The following KLHL32 variants were observed in gnomAD, a reference collection of about 807,000 sequenced individuals.
KLHL32 encodes the protein kelch like family member 32.
A neutral mutation model predicts 64.8 loss-of-function variants in KLHL32; 35 were observed. That is an observed-to-expected ratio of 0.54 (90% CI 0.41 to 0.72). KLHL32 has a LOEUF of 0.72. Among genes scored for constraint, KLHL32 ranks in the 30% least tolerant of loss-of-function variants. The pLI, the probability that KLHL32 is intolerant of heterozygous loss-of-function variation, is 0.00. For missense variants in KLHL32, 589 were observed against 768.5 expected (o/e 0.77, Z 2.76); for synonymous variants, 259 against 281.0 (o/e 0.92, Z 0.78).
At chr6:97,062,675 T>C (rs956591080) in intron 4 of KLHL32, among the ~76,000 whole-genome samples, 2 of 152,226 alleles carry the variant, frequency 1.3e-5, no homozygotes, top group Non-Finnish European at 2.9e-5. Context: ...TTCATGAATA[T>C]TGAGCAACAG....
At chr6:97,120,005 C>G (rs1172342476) in intron 7 of KLHL32, among the ~76,000 whole-genome samples, 1 of 151,890 alleles carries the variant, frequency 6.6e-6, no homozygotes, top group South Asian at 2.1e-4. Flanking sequence ...GCAAGTGCAC[C>G]GAGCATATAT....
At chr6:97,076,049 G>A (rs912766984) in intron 5 of KLHL32, among the ~76,000 whole-genome samples, 1 of 152,078 alleles carries the variant, frequency 6.6e-6, no homozygotes, top group Non-Finnish European at 1.5e-5. Context: ...TCCCCCATCC[G>A]TAGATTTCTC....
intron 3 of KLHL32, among the ~76,000 whole-genome samples, chr6:97,026,128 A>T (rs1055790059): frequency 6.6e-6 from 1 of 152,136 alleles, no homozygotes; most frequent in African/African-American, 2.4e-5. Flanking sequence ...GATTAAAAGA[A>T]GTCCATCTAA....
intron 3 of KLHL32, among the ~76,000 whole-genome samples, chr6:97,014,332 A>G (rs916639108): frequency 6.6e-6 from 1 of 151,864 alleles, no homozygotes; most frequent in Non-Finnish European, 1.5e-5. Context: ...CGTATCTGTA[A>G]ATTATTATTT....
At chr6:96,945,813 G>A (rs1203616718) in intron 1 of KLHL32, among the ~76,000 whole-genome samples, 1 of 152,122 alleles carries the variant, frequency 6.6e-6, no homozygotes. Flanking sequence ...GGCCCCGTTG[G>A]TGTCTACATC....
chr6:97,104,621 A>T (rs1400968712), intron 6 of KLHL32, among the ~76,000 whole-genome samples: 1 of 152,178 alleles, frequency 6.6e-6, no homozygotes, highest in Non-Finnish European at 1.5e-5. Context: ...TTCTTAGAAG[A>T]AAAAATAGCC....
intron 2 of KLHL32, among the ~76,000 whole-genome samples, chr6:96,973,730 C>CTTTTTTTTGTTTTTTTTT (rs1775373618): frequency 8.5e-6 from 1 of 118,256 alleles, no homozygotes; most frequent in African/African-American, 3.3e-5. Flanking sequence ...TACAGATTGC[C>CTTTTTTTTGTTTTTTTTT]TTTTTTTTTT....
intron 6 of KLHL32, among the ~76,000 whole-genome samples, chr6:97,089,505 G>A (rs577334789): frequency 8.6e-5 from 13 of 151,922 alleles, no homozygotes; most frequent in South Asian, 4.2e-4. Context: ...CTGGGTAGGC[G>A]CGGTGGCTTA....
chr6:97,063,317 A>G (rs1789209463), intron 4 of KLHL32, among the ~76,000 whole-genome samples: 1 of 152,236 alleles, frequency 6.6e-6, no homozygotes, highest in Non-Finnish European at 1.5e-5. Context: ...TGGATTCGAT[A>G]TAAGGCCTAA....
chr6:97,000,561 A>C (rs1007921111), intron 3 of KLHL32, among the ~76,000 whole-genome samples: 2 of 152,236 alleles, frequency 1.3e-5, no homozygotes, highest in Non-Finnish European at 2.9e-5. Flanking sequence ...TTTCATTTTT[A>C]GATAAAATTT....
At chr6:97,075,721 G>A (rs570614235) in intron 5 of KLHL32, among the ~76,000 whole-genome samples, 1 of 152,246 alleles carries the variant, frequency 6.6e-6, no homozygotes, top group East Asian at 1.9e-4. Flanking sequence ...GCAGCACCAG[G>A]TTAGGTAGTC....
intron 8 of KLHL32, among the ~76,000 whole-genome samples, chr6:97,130,111 A>G (rs981785617): frequency 6.6e-6 from 1 of 152,182 alleles, no homozygotes; most frequent in Admixed American, 6.5e-5. Flanking sequence ...ACCCTAGCTT[A>G]TCTAGCGGCC....
At chr6:97,026,131 C>T (rs1782694915) in intron 3 of KLHL32, among the ~76,000 whole-genome samples, 1 of 151,804 alleles carries the variant, frequency 6.6e-6, no homozygotes, top group Admixed American at 6.6e-5. Context: ...TAAAAGAAGT[C>T]CATCTAATTA....
intron 4 of KLHL32, among the ~76,000 whole-genome samples, chr6:97,057,376 G>A (rs1484920346): frequency 1.5e-5 from 2 of 129,168 alleles, no homozygotes; most frequent in Non-Finnish European, 3.1e-5. Flanking sequence ...TAGAGACGGG[G>A]TTTCACTGTG....
At chr6:96,943,513 A>G (rs534801378) in intron 1 of KLHL32, among the ~76,000 whole-genome samples, 1 of 152,300 alleles carries the variant, frequency 6.6e-6, no homozygotes, top group Admixed American at 6.5e-5. Flanking sequence ...TGTAAATCCC[A>G]CAAACTGATT....
chr6:96,969,023 A>T (rs1774816892), intron 2 of KLHL32, among the ~76,000 whole-genome samples: 1 of 152,138 alleles, frequency 6.6e-6, no homozygotes, highest in Non-Finnish European at 1.5e-5. Context: ...CCTCTTCCTA[A>T]CTGTAGTCGG....
intron 6 of KLHL32, among the ~76,000 whole-genome samples, chr6:97,102,894 A>AACTGATGTCATGGGGGTTTGTACAGATT (rs1795914416): frequency 6.6e-6 from 1 of 151,938 alleles, no homozygotes; most frequent in Non-Finnish European, 1.5e-5. Context: ...TATATAGGTA[A>AACTGATGTCATGGGGGTTTGTACAGATT]ACTGATGTCA....
intron 1 of KLHL32, among the ~76,000 whole-genome samples, chr6:96,930,003 A>G (rs911596394): frequency 6.6e-6 from 1 of 152,210 alleles, no homozygotes. Context: ...TATTTGAGGC[A>G]TAATGTATTC....
intron 3 of KLHL32, among the ~76,000 whole-genome samples, chr6:97,022,750 A>C (rs1212774809): frequency 1.3e-5 from 2 of 152,216 alleles, no homozygotes; most frequent in Non-Finnish European, 2.9e-5. Flanking sequence ...GATTATAGGC[A>C]TGAGCCATGG....
Sources: allele counts gnomAD v4.1 joint callset (sites outside exome capture counted in the v4.1 genomes callset), GRCh38; gene constraint gnomAD v4.1.1; transcripts MANE v1.5; gene names NCBI Gene and HGNC (gene_info 2026-07-23, HGNC 2026-07-21).